DNAH1: variants seen among roughly 807,000 people sequenced by gnomAD.
The protein encoded by DNAH1 is dynein axonemal heavy chain 1.
DNAH1 carries 327 observed loss-of-function variants against 484.3 expected under a neutral mutation model. The ratio of observed to expected loss-of-function variants is 0.68; its 90% confidence interval spans 0.62 to 0.74. DNAH1 has a LOEUF of 0.74. Ranked by LOEUF, DNAH1 falls within the 30% of genes least tolerant of loss-of-function variation. The probability of loss-of-function intolerance (pLI) is 0.00; values close to 1 mark genes in which losing one functional copy is unlikely to be tolerated. For synonymous variants in DNAH1, 2,192 were observed against 2,191.9 expected (o/e 1.00, Z 0.00); for missense variants, 5,052 against 5,546.8 (o/e 0.91, Z 2.83).
chr3:52,391,703 C>T (rs1704395814), intron 63 of DNAH1, 100 bp downstream of exon 63: 4 of 1,432,498 alleles, frequency 2.8e-6, no homozygotes, highest in African/African-American at 2.8e-5. Flanking sequence ...GGGACTTTCC[C>T]CCACTCAAAG....
In DNAH1 at chr3:52,369,906, G is replaced by A. The variant is rs1703252778; in HGVS notation, c.6025G>A (p.Glu2009Lys). Residue 2009 changes from glutamate (E) to lysine (K), a missense_variant, in exon 38 of 78, where the codon GAG becomes AAG. Glu to Lys is a moderately conservative substitution (Grantham distance 56). Transcript: ENST00000420323. ...CTCCCGCTGTGGCATGGTGTACCTG[G>A]AGCCCAGCATCCTGGGGCTCATGCC... ...TVSRCGMVYL[E>K]PSILGLMPFI... 1 of 1,613,858 alleles carries A rather than the reference G, an allele frequency of 6.2e-7. No individual in the cohort carries two copies. The highest frequency in any genetic ancestry group is 8.5e-7 in the Non-Finnish European group (1 of 1,179,894).
chr3:52,380,167 G>C, intron 48 of DNAH1, 32 bp downstream of exon 48: 2 of 1,545,346 alleles, frequency 1.3e-6, no homozygotes, highest in South Asian at 2.4e-5. Flanking sequence ...CCTGCCCCTG[G>C]TGGGGTCCTC....
chr3:52,359,827 G>A (rs748580966), intron 26 of DNAH1, 89 bp from the exon 27 acceptor site: 144 of 1,546,636 alleles, frequency 9.3e-5, no homozygotes, highest in Non-Finnish European at 1.2e-4. Flanking sequence ...TAGAGGGACT[G>A]TTTGTGGCAG....
intron 34 of DNAH1, among the ~76,000 whole-genome samples, chr3:52,366,157 G>A (rs1241749260): frequency 6.6e-6 from 1 of 152,234 alleles, no homozygotes; most frequent in African/African-American, 2.4e-5. Flanking sequence ...GTTGGGGCCT[G>A]TGACAGCTGA....
chr3:52,339,596 T>C (rs1701858135), intron 8 of DNAH1, among the ~76,000 whole-genome samples: 1 of 152,178 alleles, frequency 6.6e-6, no homozygotes, highest in Admixed American at 6.5e-5. Context: ...TTTTATCAGT[T>C]AAGATGCTCT....
intron 6 of DNAH1, among the ~76,000 whole-genome samples, chr3:52,329,557 G>C (rs540567063): frequency 6.6e-6 from 1 of 152,122 alleles, no homozygotes; most frequent in East Asian, 1.9e-4. Flanking sequence ...GCCAGGCGTG[G>C]TGGCTCATGC....
At chr3:52,383,169 G>A (rs1703932708) in intron 50 of DNAH1, among the ~76,000 whole-genome samples, 2 of 152,242 alleles carry the variant, frequency 1.3e-5, no homozygotes, top group African/African-American at 4.8e-5. Context: ...CCAGTGTCCT[G>A]CCACAACCCA....
chr3:52,381,310 G>A lies in DNAH1; in HGVS notation c.7609-330G>A, dbSNP rs989670485. On this transcript the variant is annotated intron_variant, in intron 48 of 77. Transcript: ENST00000420323. The surrounding 1 kb of genome is among the most constrained non-coding windows in gnomAD (Gnocchi z 4.1). ...TATTTTTTGGTAGAGGCAGAGTTTC[G>A]CCATGTTGCCCAGGCTGGTGTTGAA... is the stretch of plus-strand genomic sequence containing the variant. 2.0e-5 allele frequency among the ~76,000 whole-genome samples: 3 copies of A among 151,998 alleles called. No individual in the cohort carries two copies. The highest frequency in any genetic ancestry group is 7.3e-5 in the African/African-American group (3 of 41,364).
Position 52,364,787 on chromosome 3 carries a change from G to C in DNAH1, c.5332-46G>C. The stretch of plus-strand genomic sequence containing the variant: ...TGGGAGGGCTCCTGGGCAGCTGGAG[G>C]GCAGCTGGCCCACTGCCCTGAAGGC... On this transcript the variant is annotated intron_variant, in intron 33 of 77. Coordinates refer to ENST00000420323, the MANE Select transcript of DNAH1 (RefSeq NM_015512.5). The surrounding 1 kb of genome is among the most constrained non-coding windows in gnomAD (Gnocchi z 4.2). The C allele has an allele frequency of 6.2e-7, 1 of 1,607,064 alleles. No homozygotes were observed.
At chr3:52,394,832 G>A in intron 67 of DNAH1, 83 bp from the exon 68 acceptor site, 2 of 1,550,744 alleles carry the variant, frequency 1.3e-6, no homozygotes, top group Non-Finnish European at 1.7e-6. Flanking sequence ...ACTCTCCCCA[G>A]CTGTCCGGCT....
At chr3:52,370,913 C>G (rs2153224733) in intron 41 of DNAH1, 88 bp downstream of exon 41, 1 of 1,327,238 alleles carries the variant, frequency 7.5e-7, no homozygotes, top group Non-Finnish European at 1.0e-6. Flanking sequence ...ACACAGGGAG[C>G]CGTCACATTG....
chr3:52,332,453 A>G, intron 8 of DNAH1, 59 bp downstream of exon 8: 3 of 1,582,622 alleles, frequency 1.9e-6, no homozygotes, highest in African/African-American at 1.3e-5. Flanking sequence ...GAACCTTCCC[A>G]TAGGAAGTTG....
intron 51 of DNAH1, 57 bp from the exon 52 acceptor site, chr3:52,383,803 G>T: frequency 6.6e-7 from 1 of 1,521,238 alleles, no homozygotes; most frequent in Non-Finnish European, 8.8e-7. Flanking sequence ...TGGGTCCTGG[G>T]CTCCTGGGGT....
intron 8 of DNAH1, among the ~76,000 whole-genome samples, chr3:52,333,816 A>G (rs887044675): frequency 8.5e-5 from 13 of 152,158 alleles, no homozygotes; most frequent in Non-Finnish European, 1.9e-4. Context: ...AAGAGATTTT[A>G]AACACTTTAT....
At chr3:52,360,912 A>T (rs183581037) in intron 28 of DNAH1, among the ~76,000 whole-genome samples, 122 of 152,134 alleles carry the variant, frequency 8.0e-4, no homozygotes, top group Non-Finnish European at 1.5e-3. Flanking sequence ...GAGTGAGGGA[A>T]GTGAAGTGTG....
At chr3:52,382,220 G>C in intron 49 of DNAH1, 100 bp from the exon 50 acceptor site, 1 of 1,588,582 alleles carries the variant, frequency 6.3e-7, no homozygotes, top group Non-Finnish European at 8.6e-7. Context: ...CAGGATGGGA[G>C]CAGAATTCCA....
chr3:52,392,359 G>A, intron 63 of DNAH1, 105 bp from the exon 64 acceptor site: 1 of 1,024,586 alleles, frequency 9.8e-7, no homozygotes, highest in Non-Finnish European at 1.5e-6. Flanking sequence ...AAGGATGCTG[G>A]GCTCTTGGAG....
chr3:52,348,953 A>G lies in DNAH1; in HGVS notation c.2172A>G (p.Pro724=). The change falls in exon 13 of 78, where the codon CCA becomes CCG. Residue 724 remains proline, a synonymous_variant. Transcript: ENST00000420323. ...PLLESVGLHE[P]LVEELRATIA... ...TGGAGTCCGTGGGCCTTCATGAGCC[A>G]CTGGTGGAAGAGCTACGGGCCACCA... 1 of 1,613,522 alleles carries G rather than the reference A, an allele frequency of 6.2e-7. No homozygotes were observed. Among genetic ancestry groups the G allele is most frequent in the Non-Finnish European group, 8.5e-7 (1 of 1,179,884 alleles).
At chr3:52,367,519 G>A (rs1273439108) in intron 36 of DNAH1, among the ~76,000 whole-genome samples, 1 of 152,002 alleles carries the variant, frequency 6.6e-6, no homozygotes, top group Non-Finnish European at 1.5e-5. Context: ...TAGGTGAGGG[G>A]GCTGGGGGTC....
Sources: gnomAD v4.1 joint callset for allele counts (sites outside exome capture counted in the v4.1 genomes callset) on GRCh38, gnomAD v4.1.1 for gene constraint, Gnocchi (gnomAD v3.1) non-coding constraint, MANE v1.5 for transcripts, NCBI Gene and HGNC (gene_info 2026-07-23, HGNC 2026-07-21) for gene names.